Variants in MARCHF4 observed in about 807,000 individuals in gnomAD.
The protein encoded by MARCHF4 is membrane associated ring-CH-type finger 4.
Under a neutral mutation model 43.9 loss-of-function variants are expected in MARCHF4, and 14 were observed. That is an observed-to-expected ratio of 0.32 (90% CI 0.21 to 0.50). The LOEUF is 0.50. Ranked by LOEUF, MARCHF4 falls within the 20% of genes least tolerant of loss-of-function variation. MARCHF4 has a pLI of 0.98. For missense variants in MARCHF4, 468 were observed against 536.7 expected (o/e 0.87, Z 1.27); for synonymous variants, 226 against 213.3 (o/e 1.06, Z -0.52).
rs1692750411 is a variant in MARCHF4 at position 216,370,966 on chromosome 2, G to A, written c.-706C>T. On this transcript the variant is annotated 5_prime_UTR_variant, in exon 1 of 4. Transcript: ENST00000273067. ...GAGTTGCTTTTAAGAGAGCAGTTGG[G>A]TGGGGGAGGGGTGTTGCAGGTGAAA... 6.6e-6 allele frequency: 1 copy of A among 152,114 alleles called. No homozygotes were observed. Among genetic ancestry groups the A allele is most frequent in the African/African-American group, 2.4e-5 (1 of 41,468 alleles). 9.4% of individuals were successfully genotyped at this position (152,114 alleles called of 1,614,324 possible). A position where few individuals can be genotyped will look rare whatever the true frequency, so the allele number is the denominator to read the frequency against.
At chr2:216,282,279 G>T (rs428418) in intron 2 of MARCHF4, among the ~76,000 whole-genome samples, 2 of 151,876 alleles carry the variant, frequency 1.3e-5, no homozygotes, top group African/African-American at 4.8e-5. Flanking sequence ...GCACACTTGT[G>T]TGTGTGCAAC....
chr2:216,287,456 G>C (rs947707297), intron 1 of MARCHF4, among the ~76,000 whole-genome samples: 1 of 152,070 alleles, frequency 6.6e-6, no homozygotes, highest in African/African-American at 2.4e-5. Flanking sequence ...GATCTGCTCA[G>C]AGTGCTGGGG....
chr2:216,329,370 G>A (rs562917060), intron 1 of MARCHF4, among the ~76,000 whole-genome samples: 1 of 152,082 alleles, frequency 6.6e-6, no homozygotes, highest in South Asian at 2.1e-4. Flanking sequence ...GACAGAGCGA[G>A]ACTCAGTCTC....
At chr2:216,275,945 A>T (rs1691015296) in intron 3 of MARCHF4, among the ~76,000 whole-genome samples, 1 of 152,218 alleles carries the variant, frequency 6.6e-6, no homozygotes, top group Non-Finnish European at 1.5e-5. Flanking sequence ...TCCCAGCATG[A>T]GGAGACACTC....
intron 1 of MARCHF4, among the ~76,000 whole-genome samples, chr2:216,337,941 G>T (rs376031752): frequency 2.6e-5 from 4 of 152,178 alleles, no homozygotes; most frequent in South Asian, 4.1e-4. Context: ...GGAAGAGACA[G>T]ATATTTGATC....
rs1251612866 is a variant in MARCHF4 at position 216,258,665 on chromosome 2, G to A, written c.*647C>T. ...CTGAAATCGGGAGTTCCATTTGGAA[G>A]TTCCTTCAGGAAGGAGACACACTCT... On this transcript the variant is annotated 3_prime_UTR_variant, in exon 4 of 4. Coordinates refer to ENST00000273067, the MANE Select transcript of MARCHF4 (RefSeq NM_020814.3). 2 of 152,626 alleles carry A rather than the reference G, an allele frequency of 1.3e-5. No individual in the cohort carries two copies. The highest frequency in any genetic ancestry group is 2.9e-5 in the Non-Finnish European group (2 of 68,090). 9.5% of individuals were successfully genotyped at this position (152,626 alleles called of 1,614,324 possible).
In MARCHF4 at chr2:216,258,523, TG is replaced by T. The variant is rs1690688555; in HGVS notation, c.*788del. The T allele has an allele frequency of 6.5e-6, 1 of 153,476 alleles. No individual in the cohort carries two copies. The highest frequency in any genetic ancestry group is 1.4e-5 in the Non-Finnish European group (1 of 69,030). The allele number at this position is 153,476 out of a possible 1,614,324, so 9.5% of individuals were successfully genotyped here. A position where few individuals can be genotyped will look rare whatever the true frequency, so the allele number is the denominator to read the frequency against. On this transcript the variant is annotated 3_prime_UTR_variant, in exon 4 of 4. Transcript: ENST00000273067. ...TTCTCTAGGGGTGTGTGTGTGTGTG[TG>T]TGTGTGTGTGTGTGTGTGTGTCCTG...
At chr2:216,307,633 G>A (rs1691610692) in intron 1 of MARCHF4, among the ~76,000 whole-genome samples, 1 of 152,110 alleles carries the variant, frequency 6.6e-6, no homozygotes, top group African/African-American at 2.4e-5. Flanking sequence ...TATCTCCATG[G>A]ACATAGGCAG....
At chr2:216,315,952 C>G (rs1165785185) in intron 1 of MARCHF4, among the ~76,000 whole-genome samples, 1 of 152,208 alleles carries the variant, frequency 6.6e-6, no homozygotes, top group African/African-American at 2.4e-5. Flanking sequence ...ATCTGCATCA[C>G]TGGAGCCCTC....
At chr2:216,315,749 A>C (rs1373665512) in intron 1 of MARCHF4, among the ~76,000 whole-genome samples, 1 of 152,152 alleles carries the variant, frequency 6.6e-6, no homozygotes, top group Non-Finnish European at 1.5e-5. Context: ...GATTACATGT[A>C]ACTTTTACTT....
At chr2:216,301,983 C>T (rs1302081031) in intron 1 of MARCHF4, among the ~76,000 whole-genome samples, 2 of 152,132 alleles carry the variant, frequency 1.3e-5, no homozygotes, top group African/African-American at 4.8e-5. Flanking sequence ...CCCACCCAAG[C>T]TCTGTCAACC....
intron 3 of MARCHF4, among the ~76,000 whole-genome samples, chr2:216,261,382 T>G (rs193085047): frequency 1.5e-4 from 23 of 152,294 alleles, no homozygotes; most frequent in Middle Eastern, 3.4e-3. Context: ...CTCCTACTAC[T>G]CTTCTGTCAT....
At chr2:216,297,875 G>C (rs1024536328) in intron 1 of MARCHF4, among the ~76,000 whole-genome samples, 1 of 152,220 alleles carries the variant, frequency 6.6e-6, no homozygotes, top group African/African-American at 2.4e-5. Context: ...GAGAACTCAA[G>C]AGGGCACCTG....
intron 1 of MARCHF4, among the ~76,000 whole-genome samples, chr2:216,303,853 G>T (rs771899611): frequency 6.6e-6 from 1 of 152,204 alleles, no homozygotes. Flanking sequence ...AGCAACACCA[G>T]ATTCCAGGAA....
intron 1 of MARCHF4, among the ~76,000 whole-genome samples, chr2:216,337,747 C>T (rs905014859): frequency 2.0e-5 from 3 of 152,080 alleles, no homozygotes; most frequent in Admixed American, 6.6e-5. Context: ...ATTTGGTTAG[C>T]GACCTACTAC....
chr2:216,291,934 G>T (rs1243009751), intron 1 of MARCHF4, among the ~76,000 whole-genome samples: 1 of 152,160 alleles, frequency 6.6e-6, no homozygotes, highest in Non-Finnish European at 1.5e-5. Flanking sequence ...CATCCTCTCT[G>T]CCCATTGCAG....
intron 1 of MARCHF4, among the ~76,000 whole-genome samples, chr2:216,296,421 C>G (rs1400632265): frequency 6.6e-6 from 1 of 152,178 alleles, no homozygotes; most frequent in Non-Finnish European, 1.5e-5. Context: ...TTCCTAAGGA[C>G]TCACCCCTCC....
At chr2:216,315,912 T>C (rs1691767910) in intron 1 of MARCHF4, among the ~76,000 whole-genome samples, 2 of 152,216 alleles carry the variant, frequency 1.3e-5, no homozygotes, top group African/African-American at 4.8e-5. Context: ...GGATCCCATC[T>C]ATTTCGCTTC....
intron 1 of MARCHF4, among the ~76,000 whole-genome samples, chr2:216,341,073 G>C (rs560635726): frequency 4.7e-4 from 72 of 152,172 alleles, no homozygotes; most frequent in African/African-American, 1.7e-3. Context: ...CTCTCTGAGT[G>C]GCTGGGCCCC....
Sources: gnomAD v4.1 joint callset for allele counts (sites outside exome capture counted in the v4.1 genomes callset) on GRCh38, gnomAD v4.1.1 for gene constraint, MANE v1.5 for transcripts, NCBI Gene and HGNC (gene_info 2026-07-23, HGNC 2026-07-21) for gene names.